The following PLCE1 variants were observed in gnomAD, a reference collection of about 807,000 sequenced individuals.
The protein encoded by PLCE1 is phospholipase C epsilon 1, also known as 1-phosphatidylinositol 4,5-bisphosphate phosphodiesterase epsilon-1.
A neutral mutation model predicts 242.8 loss-of-function variants in PLCE1; 119 were observed. The ratio of observed to expected loss-of-function variants is 0.49; its 90% CI spans 0.42 to 0.57. The LOEUF is 0.57. PLCE1 is among the 20% of genes least tolerant of loss of function. The probability of loss-of-function intolerance (pLI) is 0.00; values close to 1 mark genes in which losing one functional copy is unlikely to be tolerated. For missense variants in PLCE1, 2,441 were observed against 2,788.8 expected (o/e 0.88, Z 2.81); for synonymous variants, 945 against 1,017.4 (o/e 0.93, Z 1.35).
intron 2 of PLCE1, among the ~76,000 whole-genome samples, chr10:94,103,416 T>C (rs1393261965): frequency 6.6e-6 from 1 of 152,182 alleles, no homozygotes; most frequent in African/African-American, 2.4e-5. Context: ...AGAGCAATCA[T>C]TGTAAAAACA....
At chr10:94,029,549 A>G (rs1179548368) in intron 1 of PLCE1, among the ~76,000 whole-genome samples, 1 of 152,096 alleles carries the variant, frequency 6.6e-6, no homozygotes, top group African/African-American at 2.4e-5. Context: ...TTGAGCTAGG[A>G]CACTGCTGCT....
chr10:94,161,712 G>C (rs1025754480), intron 3 of PLCE1, among the ~76,000 whole-genome samples: 2 of 152,190 alleles, frequency 1.3e-5, no homozygotes, highest in African/African-American at 4.8e-5. Flanking sequence ...AGTGGTGAGA[G>C]AGGGCATCCC....
At chr10:94,070,799 G>A in intron 2 of PLCE1, among the ~76,000 whole-genome samples, 1 of 152,096 alleles carries the variant, frequency 6.6e-6, no homozygotes, top group East Asian at 1.9e-4. Flanking sequence ...TTCAAGCCAT[G>A]TCTCCCCAGC....
intron 1 of PLCE1, among the ~76,000 whole-genome samples, chr10:94,007,753 A>G (rs1361464375): frequency 1.2e-5 from 1 of 85,318 alleles, no homozygotes; most frequent in Non-Finnish European, 2.2e-5. Context: ...ATTCTTATAG[A>G]CTTTTTTCTA....
chr10:94,296,188 C>T (rs2052804872), intron 23 of PLCE1, among the ~76,000 whole-genome samples: 1 of 151,668 alleles, frequency 6.6e-6, no homozygotes. Context: ...CGGTGAAACC[C>T]CATCTCTACT....
At chr10:94,162,284 C>T (rs2047643042) in intron 3 of PLCE1, among the ~76,000 whole-genome samples, 1 of 152,104 alleles carries the variant, frequency 6.6e-6, no homozygotes, top group Non-Finnish European at 1.5e-5. Flanking sequence ...TCCATCTGGT[C>T]CTGGACTTTT....
chr10:94,220,376 T>TATATATATATATATATATA (rs2049686957), intron 4 of PLCE1, among the ~76,000 whole-genome samples: 1 of 61,878 alleles, frequency 1.6e-5, no homozygotes, highest in Non-Finnish European at 2.9e-5. Context: ...ACTAAACATT[T>TATATATATATATATATATA]TATATATATA....
At chr10:94,090,478 T>A (rs1187372743) in intron 2 of PLCE1, among the ~76,000 whole-genome samples, 1 of 152,212 alleles carries the variant, frequency 6.6e-6, no homozygotes, top group African/African-American at 2.4e-5. Flanking sequence ...TGACGCAGGC[T>A]CATTTTTCCT....
chr10:94,297,622 A>AAAAAAAAAAAAAAAAAAAAAAAG (rs1564873283), intron 23 of PLCE1, among the ~76,000 whole-genome samples: 1 of 110,206 alleles, frequency 9.1e-6, no homozygotes, highest in African/African-American at 3.5e-5. Context: ...AAAAAAAAAA[A>AAAAAAAAAAAAAAAAAAAAAAAG]AAAAAGTGCA....
At chr10:94,021,537 G>A (rs2061377452) in intron 1 of PLCE1, among the ~76,000 whole-genome samples, 1 of 151,914 alleles carries the variant, frequency 6.6e-6, no homozygotes, top group South Asian at 2.1e-4. Context: ...TTGTACCTTT[G>A]TTGAAAACTC....
intron 2 of PLCE1, among the ~76,000 whole-genome samples, chr10:94,055,848 A>G (rs920306893): frequency 1.3e-5 from 2 of 152,184 alleles, no homozygotes. Context: ...TAGGATCCAT[A>G]GAGATACTCC....
intron 2 of PLCE1, among the ~76,000 whole-genome samples, chr10:94,119,961 G>C (rs1280838532): frequency 2.0e-5 from 3 of 152,192 alleles, no homozygotes; most frequent in Non-Finnish European, 2.9e-5. Flanking sequence ...CTTTGTGTCT[G>C]CATTGAATGT....
At chr10:94,096,433 G>T (rs944135957) in intron 2 of PLCE1, 16 of 152,166 alleles carry the variant, frequency 1.1e-4, no homozygotes, top group African/African-American at 3.9e-4. Flanking sequence ...AGAAGAGGAA[G>T]CAAACATGTC....
At chr10:94,033,404 A>C (rs1278016193) in intron 2 of PLCE1, among the ~76,000 whole-genome samples, 1 of 152,062 alleles carries the variant, frequency 6.6e-6, no homozygotes, top group Admixed American at 6.6e-5. Flanking sequence ...ATCACCCTAA[A>C]TATCAATAAC....
chr10:94,064,155 T>G (rs2044136611), intron 2 of PLCE1, among the ~76,000 whole-genome samples: 1 of 152,174 alleles, frequency 6.6e-6, no homozygotes, highest in Non-Finnish European at 1.5e-5. Flanking sequence ...TTTATTTCTA[T>G]CCCTGTAAAA....
intron 11 of PLCE1, among the ~76,000 whole-genome samples, chr10:94,257,602 G>T (rs1182558222): frequency 6.6e-6 from 1 of 152,202 alleles, no homozygotes; most frequent in South Asian, 2.1e-4. Context: ...TAAAAAGGAT[G>T]AGCTTCATGT....
intron 2 of PLCE1, chr10:94,104,842 T>C (rs909553352): frequency 9.9e-5 from 15 of 152,210 alleles, no homozygotes; most frequent in African/African-American, 3.6e-4. Flanking sequence ...GTTTATACTT[T>C]AGAACAGCAG....
chr10:94,134,960 T>C (rs1390022295), intron 3 of PLCE1, among the ~76,000 whole-genome samples: 1 of 152,224 alleles, frequency 6.6e-6, no homozygotes, highest in Non-Finnish European at 1.5e-5. Context: ...AATTAGCTGG[T>C]TGCCTTCTGC....
At chr10:94,283,688 T>A (rs530602414) in intron 20 of PLCE1, 102 bp from the exon 21 acceptor site, 12 of 1,230,816 alleles carry the variant, frequency 9.7e-6, no homozygotes, top group Non-Finnish European at 1.4e-5. Flanking sequence ...CTCATTCTTA[T>A]AGATAAGTAC....
Sources: allele counts gnomAD v4.1 joint callset (sites outside exome capture counted in the v4.1 genomes callset), GRCh38; gene constraint gnomAD v4.1.1; transcripts MANE v1.5; gene names NCBI Gene and HGNC (gene_info 2026-07-23, HGNC 2026-07-21).